Variants in MARVELD2 observed in about 807,000 individuals in gnomAD.
The protein encoded by MARVELD2 is MARVEL domain-containing protein 2.
A neutral mutation model predicts 57.6 loss-of-function variants in MARVELD2; 49 were observed. The observed-to-expected ratio is 0.85, with a 90% confidence interval of 0.68 to 1.08. MARVELD2 has a LOEUF of 1.08. Among genes scored for constraint, MARVELD2 ranks in the 50% least tolerant of loss-of-function variants. The pLI is 0.00. For missense variants in MARVELD2, 606 were observed against 701.1 expected (o/e 0.86, Z 1.53); for synonymous variants, 238 against 258.8 (o/e 0.92, Z 0.77).
chr5:69,417,352 C>G (rs990410596), intron 1 of MARVELD2, among the ~76,000 whole-genome samples: 1 of 152,190 alleles, frequency 6.6e-6, no homozygotes, highest in Non-Finnish European at 1.5e-5. Context: ...GGCACTCCCC[C>G]GGTTAAAGCA....
At position 69,420,135 on chromosome 5, in the gene MARVELD2, C is replaced by T; in HGVS notation, c.750C>T (p.Gly250=). Residue 250 remains glycine (G), a synonymous_variant, in exon 2 of 7, where the codon GGC becomes GGT. Transcript: ENST00000325631. ...GSMYGGYYYT[G]PKTPFVLVVA... is the part of the protein sequence containing the mutation. ...TGTATGGGGGCTATTACTACACTGG[C>T]CCTAAGACCCCTTTTGTACTCGTGG... is the stretch of plus-strand genomic sequence containing the variant. 3.1e-6 allele frequency: 5 copies of T among 1,614,074 alleles called. No individual in the cohort carries two copies. The highest frequency in any genetic ancestry group is 4.2e-6 in the Non-Finnish European group (5 of 1,180,010).
intron 3 of MARVELD2, among the ~76,000 whole-genome samples, chr5:69,430,975 T>C (rs1435618576): frequency 6.6e-6 from 1 of 151,612 alleles, no homozygotes; most frequent in Non-Finnish European, 1.5e-5. Context: ...CAGGCTGGAG[T>C]GCAGTGGACC....
At chr5:69,434,574 T>C (rs1373007974) in intron 5 of MARVELD2, among the ~76,000 whole-genome samples, 1 of 152,116 alleles carries the variant, frequency 6.6e-6, no homozygotes, top group Non-Finnish European at 1.5e-5. Flanking sequence ...GGAGTAGATA[T>C]GGTAGTTACA....
intron 2 of MARVELD2, among the ~76,000 whole-genome samples, chr5:69,421,989 C>G (rs1330533634): frequency 1.3e-5 from 2 of 152,198 alleles, no homozygotes; most frequent in East Asian, 3.9e-4. Flanking sequence ...GTCTTTACTG[C>G]AGTCTCTGAA....
intron 3 of MARVELD2, among the ~76,000 whole-genome samples, chr5:69,426,774 A>G (rs299102): frequency 0.34 from 51,960 of 152,104 alleles, 10,439 homozygotes; most frequent in Non-Finnish European, 0.46. Context: ...GGCTCAAACA[A>G]TCCTCCCACC....
intron 6 of MARVELD2, among the ~76,000 whole-genome samples, 158 bp downstream of exon 6, chr5:69,440,658 T>C (rs531872554): frequency 3.3e-5 from 5 of 152,340 alleles, no homozygotes; most frequent in African/African-American, 1.2e-4. Context: ...TCTTCTCATG[T>C]CTGCTCTGAA....
chr5:69,420,433 G>C lies in MARVELD2; in HGVS notation c.1048G>C (p.Val350Leu), dbSNP rs1228778539. The C allele has an allele frequency of 1.9e-6, 3 of 1,613,852 alleles. No homozygotes were observed. The highest frequency in any genetic ancestry group is 2.5e-6 in the Non-Finnish European group (3 of 1,180,026). The part of the protein sequence containing the change: ...GQIAAMIFLF[V>L]TMIVYLISAL... ...GATAGCTGCAATGATCTTCCTGTTT[G>C]TCACCATGATAGTTTATCTCATTAG... Residue 350 changes from valine to leucine, a missense_variant, in exon 2 of 7, where the codon GTC becomes CTC. Physicochemically the swap from Val to Leu is conservative, Grantham distance 32. Transcript: ENST00000325631.
At position 69,437,775 on chromosome 5, in the gene MARVELD2, A is replaced by G. The variant is rs1767202133; in HGVS notation, c.1504-2675A>G. Among the ~76,000 whole-genome samples, 8 of 152,144 alleles carry G rather than the reference A, an allele frequency of 5.3e-5. No individual in the cohort carries two copies. The South Asian group carries it at 1.5e-3, about 28-fold the overall frequency. On this transcript the variant is annotated intron_variant, in intron 5 of 6. Coordinates refer to ENST00000325631, the MANE Select transcript of MARVELD2 (RefSeq NM_001038603.3). The stretch of plus-strand genomic sequence containing the variant: ...TGGTTTGTGTGCTTTGTATGAATGG[A>G]CAAGGGCTGCAGCACATGGTCTGCA...
rs758924175 is a variant in MARVELD2 at position 69,420,329 on chromosome 5, C to T, written c.944C>T (p.Thr315Ile). 24 of 1,614,038 alleles carry T rather than the reference C, an allele frequency of 1.5e-5. No individual in the cohort carries two copies. Among genetic ancestry groups the T allele is most frequent in the Non-Finnish European group, 1.9e-5 (22 of 1,180,042 alleles). Residue 315 changes from threonine to isoleucine, a missense_variant, in exon 2 of 7, where the codon ACC (threonine) becomes ATC (isoleucine). Thr to Ile is a moderately conservative substitution (Grantham distance 89). Coordinates refer to ENST00000325631, the MANE Select transcript of MARVELD2 (RefSeq NM_001038603.3). ...MAAAIVYVND[T>I]NRGGLCYYPL... is the part of the protein sequence containing the mutation. The stretch of plus-strand genomic sequence containing the variant: ...GCAGCCATAGTCTATGTGAATGATA[C>T]CAACCGAGGTGGCCTCTGCTACTAT...
rs948490448 is a variant in MARVELD2, at chr5:69,441,752, G to A, written c.*98G>A. ...GGCTGGAATGCAGTGGCACAATCTC[G>A]GCTCACTGCAACCTCCACCTCCCGG... On this transcript the variant is annotated 3_prime_UTR_variant, in exon 7 of 7. Transcript: ENST00000325631. 18 of 838,718 alleles carry A rather than the reference G, an allele frequency of 2.1e-5. No individual in the cohort carries two copies. The highest frequency in any genetic ancestry group is 2.1e-4 in the African/African-American group (12 of 57,974). The allele number at this position is 838,718 out of a possible 1,614,324, so 52.0% of individuals were successfully genotyped here.
chr5:69,419,894 G>T lies in MARVELD2; in HGVS notation c.509G>T (p.Arg170Leu). Reference sequence around the variant, plus strand: ...CTAGACCGACACACACAAACAGTTCGAACATACAGTGAGAAGGTGGAGGAG... The same window carrying T: ...CTAGACCGACACACACAAACAGTTCTAACATACAGTGAGAAGGTGGAGGAG... ...GSLDRHTQTVRTYSEKVEEYN... is the reference protein window; with the variant it reads ...GSLDRHTQTVLTYSEKVEEYN... Residue 170 changes from arginine (R) to leucine (L), a missense_variant, in exon 2 of 7, where the codon CGA (arginine) becomes CTA (leucine). Transcript: ENST00000325631. The T allele has an allele frequency of 6.2e-7, 1 of 1,614,138 alleles. No individual in the cohort carries two copies. The highest frequency in any genetic ancestry group is 8.5e-7 in the Non-Finnish European group (1 of 1,180,024).
Position 69,419,953 on chromosome 5 carries a change from G to A in MARVELD2, c.568G>A (p.Ala190Thr). The A allele has an allele frequency of 1.2e-6, 2 of 1,614,150 alleles. No individual in the cohort carries two copies. The highest frequency in any genetic ancestry group is 2.2e-5 in the East Asian group (1 of 44,882). ...GAGATACTCCTACATGAAGTCGTGG[G>A]CAGGCCTGCTGAGAATACTGGGTGT... ...NLRYSYMKSW[A>T]GLLRILGVVE... Residue 190 changes from alanine (A) to threonine (T), a missense_variant, in exon 2 of 7, where the codon GCA (alanine) becomes ACA (threonine). Coordinates refer to ENST00000325631, the MANE Select transcript of MARVELD2 (RefSeq NM_001038603.3).
rs1767401077 is a variant in MARVELD2 at position 69,444,024 on chromosome 5, G to GAAAAAAAAAAAAAAAAAAAAAAAAA, written c.*2370_*2371insAAAAAAAAAAAAAAAAAAAAAAAAA. The GAAAAAAAAAAAAAAAAAAAAAAAAA allele has an allele frequency of 1.5e-4, 4 of 25,856 alleles. No homozygotes were observed. Among genetic ancestry groups the GAAAAAAAAAAAAAAAAAAAAAAAAA allele is most frequent in the Non-Finnish European group, 4.1e-4 (3 of 7,280 alleles). The allele number at this position is 25,856 out of a possible 1,614,324, so 1.6% of individuals were successfully genotyped here. On this transcript the variant is annotated 3_prime_UTR_variant, in exon 7 of 7. Coordinates refer to ENST00000325631, the MANE Select transcript of MARVELD2 (RefSeq NM_001038603.3). The stretch of plus-strand genomic sequence containing the variant: ...ACCAGTGCTTTAAAAAAAAAAAAAG[G>GAAAAAAAAAAAAAAAAAAAAAAAAA]TAAAATATTACCATTTTGATAGACT...
intron 3 of MARVELD2, among the ~76,000 whole-genome samples, chr5:69,430,525 G>T (rs1473372607): frequency 2.6e-5 from 4 of 151,534 alleles, no homozygotes; most frequent in Non-Finnish European, 4.4e-5. Context: ...CTAGTTCTGG[G>T]TTTTATTTAT....
chr5:69,439,948 C>T (rs905250814), intron 5 of MARVELD2, among the ~76,000 whole-genome samples: 5 of 151,984 alleles, frequency 3.3e-5, no homozygotes, highest in African/African-American at 9.7e-5. Flanking sequence ...TACAAGGAGC[C>T]TTATATTAGC....
At chr5:69,416,885 C>G (rs758273633) in intron 1 of MARVELD2, among the ~76,000 whole-genome samples, 46 of 152,200 alleles carry the variant, frequency 3.0e-4, no homozygotes, top group Non-Finnish European at 6.3e-4. Context: ...CATAGTGATA[C>G]TGTTAAAACA....
chr5:69,421,140 T>A (rs925134206), intron 2 of MARVELD2, among the ~76,000 whole-genome samples: 6 of 152,178 alleles, frequency 3.9e-5, no homozygotes. Context: ...AAGTCCTACA[T>A]TGTTTTTATA....
chr5:69,440,796 T>C (rs1203896326), intron 6 of MARVELD2, among the ~76,000 whole-genome samples: 1 of 152,188 alleles, frequency 6.6e-6, no homozygotes, highest in Non-Finnish European at 1.5e-5. Flanking sequence ...TCAAAATCAG[T>C]AGAGGTGGCT....
chr5:69,426,102 T>G (rs540626933), intron 3 of MARVELD2, among the ~76,000 whole-genome samples: 8 of 152,024 alleles, frequency 5.3e-5, no homozygotes, highest in African/African-American at 1.9e-4. Flanking sequence ...TATTCCACAA[T>G]TTACCAACTG....
Sources: allele counts gnomAD v4.1 joint callset (sites outside exome capture counted in the v4.1 genomes callset), GRCh38; gene constraint gnomAD v4.1.1; transcripts MANE v1.5; gene names NCBI Gene and HGNC (gene_info 2026-07-23, HGNC 2026-07-21).